The following PDE4D variants were observed in gnomAD, a reference collection of about 807,000 sequenced individuals.
The protein encoded by PDE4D is phosphodiesterase 4D.
In PDE4D, 24 loss-of-function variants were observed where a neutral mutation model predicts 87.4. The ratio of observed to expected loss-of-function variants is 0.27; its 90% confidence interval spans 0.20 to 0.39. PDE4D has a LOEUF of 0.39. Ranked by LOEUF, PDE4D falls within the 10% of genes least tolerant of loss-of-function variation. PDE4D has a pLI of 1.00. For missense variants in PDE4D, 714 were observed against 1,041.0 expected (o/e 0.69, Z 4.32); for synonymous variants, 384 against 383.2 (o/e 1.00, Z -0.02).
chr5:60,076,686 C>A (rs1773330006), intron 2 of PDE4D, among the ~76,000 whole-genome samples: 1 of 98 alleles, frequency 0.01, no homozygotes, highest in Non-Finnish European at 0.023. Flanking sequence ...GGTTAGGAAC[C>A]TGCTCACTGG....
chr5:58,982,595 G>A (rs1745465315), intron 11 of PDE4D, among the ~76,000 whole-genome samples: 1 of 152,164 alleles, frequency 6.6e-6, no homozygotes, highest in South Asian at 2.1e-4. Flanking sequence ...GTGGTCCAAT[G>A]TAATCAACCA....
chr5:59,362,024 T>C (rs1056129519), intron 1 of PDE4D, among the ~76,000 whole-genome samples: 29 of 152,178 alleles, frequency 1.9e-4, no homozygotes, highest in African/African-American at 6.8e-4. Flanking sequence ...GAGTCACAGT[T>C]ATGCCATGAA....
chr5:59,986,118 C>T (rs1470353985), intron 3 of PDE4D, among the ~76,000 whole-genome samples: 1 of 143,222 alleles, frequency 7.0e-6, no homozygotes, highest in African/African-American at 2.6e-5. Flanking sequence ...GTGGCAGGAT[C>T]TTGACTCACT....
intron 3 of PDE4D, among the ~76,000 whole-genome samples, chr5:59,914,536 ATGTGTGTGTGTG>A (rs34257506): frequency 2.8e-5 from 4 of 145,320 alleles, no homozygotes; most frequent in Admixed American, 6.9e-5. Flanking sequence ...AGGAAGATGT[ATGTGTGTGTGTG>A]TGTGTGTGTG....
chr5:59,745,521 T>A lies in PDE4D; in HGVS notation c.455+147647A>T, dbSNP rs534772972. 5.3e-5 allele frequency among the ~76,000 whole-genome samples: 8 copies of A among 152,294 alleles called. No homozygotes were observed. In the South Asian group the frequency reaches 1.7e-3, roughly 32 times the overall value. Reference sequence around the variant, plus strand: ...GTGACAGGCATGTTCTAGCCAATTCTGGACAGTGTGTTGAAATATGCTTCC... The same window carrying A: ...GTGACAGGCATGTTCTAGCCAATTCAGGACAGTGTGTTGAAATATGCTTCC... On this transcript the variant is annotated intron_variant, in intron 1 of 14. Coordinates refer to ENST00000340635, the MANE Select transcript of PDE4D (RefSeq NM_001104631.2).
intron 5 of PDE4D, among the ~76,000 whole-genome samples, chr5:59,046,571 A>G (rs997420714): frequency 3.3e-5 from 5 of 151,692 alleles, no homozygotes; most frequent in African/African-American, 7.3e-5. Context: ...GTGTGCATAT[A>G]AGAGAAAGGA....
At chr5:59,796,489 C>G (rs574111133) in intron 1 of PDE4D, among the ~76,000 whole-genome samples, 2 of 152,218 alleles carry the variant, frequency 1.3e-5, no homozygotes, top group Admixed American at 1.3e-4. Flanking sequence ...ACTGCCCCCA[C>G]TGTCTTCAGC....
At chr5:59,168,852 T>A (rs915097879) in intron 5 of PDE4D, among the ~76,000 whole-genome samples, 11 of 152,188 alleles carry the variant, frequency 7.2e-5, no homozygotes, top group Admixed American at 7.2e-4. Flanking sequence ...TGTAATTTTC[T>A]ACCTATGTAT....
At chr5:59,340,558 A>T (rs1778546443) in intron 1 of PDE4D, among the ~76,000 whole-genome samples, 1 of 152,178 alleles carries the variant, frequency 6.6e-6, no homozygotes, top group Non-Finnish European at 1.5e-5. Flanking sequence ...TCTTTAATTA[A>T]AAAATGTACA....
chr5:60,074,732 G>A (rs1446026765), intron 2 of PDE4D, among the ~76,000 whole-genome samples: 2 of 152,124 alleles, frequency 1.3e-5, no homozygotes, highest in Non-Finnish European at 2.9e-5. Context: ...TTTTCTTGTT[G>A]AATTAAAACC....
rs141607163 is a variant in PDE4D, at chr5:60,045,929, G to A, written c.43-57212C>T. Reference sequence around the variant, plus strand: ...AGTCATTGGTAGCTTGATGGGGATGGCACTGAATCTTTAAATTACCTTGGG... The same window carrying A: ...AGTCATTGGTAGCTTGATGGGGATGACACTGAATCTTTAAATTACCTTGGG... On this transcript the variant is annotated intron_variant, in intron 2 of 16. Transcript: ENST00000502484. Among the ~76,000 whole-genome samples the A allele has an allele frequency of 3.6e-3, 541 of 152,192 alleles. 8 individuals carry two copies. The highest frequency in any genetic ancestry group is 0.011 in the African/African-American group (453 of 41,520).
At chr5:60,155,416 G>T (rs781612491) in intron 2 of PDE4D, among the ~76,000 whole-genome samples, 21 of 152,076 alleles carry the variant, frequency 1.4e-4, no homozygotes, top group Admixed American at 2.0e-4. Context: ...TAAGTCTTTT[G>T]CTCATTTTCC....
chr5:60,322,433 C>G (rs1300783699), intron 1 of PDE4D, among the ~76,000 whole-genome samples: 1 of 150,054 alleles, frequency 6.7e-6, no homozygotes, highest in Non-Finnish European at 1.5e-5. Flanking sequence ...TAACATATTT[C>G]AAACTTTTTC....
chr5:60,194,300 G>A (rs757430186), intron 1 of PDE4D, among the ~76,000 whole-genome samples: 1 of 151,554 alleles, frequency 6.6e-6, no homozygotes, highest in Non-Finnish European at 1.5e-5. Flanking sequence ...CAAATTATCT[G>A]ACTAGAACTC....
intron 1 of PDE4D, among the ~76,000 whole-genome samples, chr5:59,489,831 T>G (rs1261257100): frequency 6.6e-6 from 1 of 152,210 alleles, no homozygotes; most frequent in Non-Finnish European, 1.5e-5. Flanking sequence ...TCCCTATTTC[T>G]TTATATTTTA....
chr5:59,468,953 C>T (rs781658637), intron 1 of PDE4D, among the ~76,000 whole-genome samples: 1 of 152,096 alleles, frequency 6.6e-6, no homozygotes, highest in Non-Finnish European at 1.5e-5. Context: ...AACTATGAGG[C>T]CTCCTGCAAT....
intron 5 of PDE4D, among the ~76,000 whole-genome samples, chr5:59,044,689 C>A (rs1760320414): frequency 1.3e-5 from 2 of 152,220 alleles, no homozygotes; most frequent in Non-Finnish European, 1.5e-5. Flanking sequence ...TTGCTAGTGG[C>A]AAGCTGCTCT....
At chr5:59,393,072 T>C (rs1788563753) in intron 1 of PDE4D, among the ~76,000 whole-genome samples, 1 of 152,090 alleles carries the variant, frequency 6.6e-6, no homozygotes, top group Non-Finnish European at 1.5e-5. Flanking sequence ...TGACTAAAAT[T>C]TCTAGACTGG....
chr5:59,032,455 C>T (rs1757730514), intron 6 of PDE4D, among the ~76,000 whole-genome samples: 1 of 152,136 alleles, frequency 6.6e-6, no homozygotes, highest in South Asian at 2.1e-4. Flanking sequence ...TGGCATGCGC[C>T]TGTAGTCCAG....
Sources: allele counts gnomAD v4.1 joint callset (sites outside exome capture counted in the v4.1 genomes callset), GRCh38; gene constraint gnomAD v4.1.1; transcripts MANE v1.5; gene names NCBI Gene and HGNC (gene_info 2026-07-23, HGNC 2026-07-21).